Variants in CEP350 observed in about 807,000 individuals in gnomAD.
CEP350 encodes centrosomal protein 350.
A neutral mutation model predicts 331.8 loss-of-function variants in CEP350; 126 were observed. The observed-to-expected ratio is 0.38, with a 90% confidence interval of 0.33 to 0.44. The LOEUF (loss-of-function observed/expected upper bound fraction) is 0.44. Ranked by LOEUF, CEP350 falls within the 20% of genes least tolerant of loss-of-function variation. The pLI is 1.00. For synonymous variants in CEP350, 1,200 were observed against 1,259.5 expected (o/e 0.95, Z 1.00); for missense variants, 3,406 against 3,634.6 (o/e 0.94, Z 1.62).
chr1:180,011,224 A>G (rs1350848017), intron 8 of CEP350, among the ~76,000 whole-genome samples: 2 of 152,186 alleles, frequency 1.3e-5, no homozygotes, highest in African/African-American at 4.8e-5. Context: ...ATATCTGTAA[A>G]ATATTATGTG....
Position 180,015,896 on chromosome 1 carries a change from A to C in CEP350, c.2100A>C (p.Lys700Asn), listed in dbSNP as rs372339291. 9 of 1,613,844 alleles carry C rather than the reference A, an allele frequency of 5.6e-6. No individual in the cohort carries two copies. The highest frequency in any genetic ancestry group is 1.6e-4 in the Middle Eastern group (1 of 6,084). Residue 700 changes from lysine (K) to asparagine (N), a missense_variant, in exon 11 of 38, where the codon AAA (lysine) becomes AAC (asparagine). Coordinates refer to ENST00000367607, the MANE Select transcript of CEP350 (RefSeq NM_014810.5). The part of the protein sequence containing the change: ...QPSGESDKEN[K>N]VQERPPSASS... ...CTGGAGAATCTGACAAAGAAAACAA[A>C]GTACAGGAACGTCCCCCAAGTGCAT...
chr1:180,031,257 C>T, intron 14 of CEP350, 63 bp from the exon 15 acceptor site: 1 of 924,776 alleles, frequency 1.1e-6, no homozygotes, highest in South Asian at 1.6e-5. Context: ...ATCTATATAT[C>T]AATTATCTCT....
chr1:180,099,746 T>C (rs540146220), intron 37 of CEP350, among the ~76,000 whole-genome samples: 29 of 151,818 alleles, frequency 1.9e-4, no homozygotes, highest in Non-Finnish European at 3.2e-4. Flanking sequence ...ATTTGCTTAG[T>C]ATTTTATAGT....
chr1:179,993,307 A>G (rs1037417778), intron 5 of CEP350, among the ~76,000 whole-genome samples: 2 of 152,342 alleles, frequency 1.3e-5, no homozygotes, highest in South Asian at 4.1e-4. Context: ...ACAGATATTA[A>G]GCAGCTTGCC....
In CEP350 at chr1:180,092,961, A is replaced by G; in HGVS notation, c.6856A>G (p.Lys2286Glu). 6.3e-7 allele frequency: 1 copy of G among 1,598,126 alleles called. No individual in the cohort carries two copies. The highest frequency in any genetic ancestry group is 8.5e-7 in the Non-Finnish European group (1 of 1,170,910). The change falls in exon 34 of 38, where the codon AAA becomes GAA. Residue 2286 changes from lysine to glutamate, a missense_variant. Around this residue, in one of 5 missense-constraint regions of CEP350, gnomAD observed 1,415 missense variants for 1,512.3 expected, o/e 0.94. Transcript: ENST00000367607. ...AGAAGGTAAATCTGATGTCTTACTG[A>G]AATTAGTCCTAGAACAGGGAGATTC... is the stretch of plus-strand genomic sequence containing the variant. ...SKEGKSDVLL[K>E]LVLEQGDSSE...
At chr1:179,962,943 A>G (rs1270564949) in intron 1 of CEP350, among the ~76,000 whole-genome samples, 1 of 152,130 alleles carries the variant, frequency 6.6e-6, no homozygotes, top group Non-Finnish European at 1.5e-5. Context: ...GCAGTGTATG[A>G]TACTCCCTTT....
rs566816388 is a variant in CEP350, at chr1:180,092,999, T to G, written c.6894T>G (p.Leu2298=). The G allele has an allele frequency of 6.2e-7, 1 of 1,603,806 alleles. No homozygotes were observed. Among genetic ancestry groups the G allele is most frequent in the Non-Finnish European group, 8.5e-7 (1 of 1,174,214 alleles). Residue 2298 remains leucine, a synonymous_variant, in exon 34 of 38, where the codon CTT becomes CTG. Transcript: ENST00000367607. ...VLEQGDSSEI[L]SKKDLPLDSE... ...AACAGGGAGATTCATCTGAAATTCT[T>G]TCAAAGAAAGATCTTCCTTTAGATT...
At position 180,078,665 on chromosome 1, in the gene CEP350, T is replaced by G. The variant is rs779140046; in HGVS notation, c.5970T>G (p.Pro1990=). ...CSQELESSTS[P]SKHSLPKSCT... The stretch of plus-strand genomic sequence containing the variant: ...AGGAACTAGAATCTTCTACCTCTCC[T>G]AGTAAACATGTAAGTTAATGTATAT... The change falls in exon 29 of 38, where the codon CCT becomes CCG. Residue 1990 remains proline, a synonymous_variant. Coordinates refer to ENST00000367607, the MANE Select transcript of CEP350 (RefSeq NM_014810.5). 6.2e-7 allele frequency: 1 copy of G among 1,603,116 alleles called. No individual in the cohort carries two copies. The highest frequency in any genetic ancestry group is 2.2e-5 in the East Asian group (1 of 44,610).
chr1:180,012,604 A>G (rs2148801966), intron 9 of CEP350, among the ~76,000 whole-genome samples: 1 of 152,344 alleles, frequency 6.6e-6, no homozygotes, highest in African/African-American at 2.4e-5. Flanking sequence ...GCTATTTCAA[A>G]TAACTACTTT....
At chr1:180,004,966 CT>C (rs1311253624) in intron 7 of CEP350, among the ~76,000 whole-genome samples, 1 of 125,286 alleles carries the variant, frequency 8.0e-6, no homozygotes, top group African/African-American at 3.0e-5. Context: ...CCCTCTCTCT[CT>C]TTTTTTAAAT....
chr1:180,054,508 T>C lies in CEP350; in HGVS notation c.5262+6T>C, dbSNP rs765270743. 8 of 1,589,624 alleles carry C rather than the reference T, an allele frequency of 5.0e-6. No individual in the cohort carries two copies. On this transcript the variant is annotated splice_donor_region_variant and intron_variant, in intron 25 of 37. Transcript: ENST00000367607. The stretch of plus-strand genomic sequence containing the variant: ...TAAGGTTGCAGCAAGAAAAGGTATG[T>C]TAGGGAAGGCACCCCTTTAGGACAG...
intron 11 of CEP350, among the ~76,000 whole-genome samples, chr1:180,018,304 C>T (rs1465245092): frequency 1.3e-5 from 2 of 152,166 alleles, no homozygotes; most frequent in Non-Finnish European, 2.9e-5. Flanking sequence ...CAGGTGTGAG[C>T]TACCATGCCC....
At chr1:180,038,942 G>A (rs1357778577) in intron 17 of CEP350, among the ~76,000 whole-genome samples, 1 of 152,122 alleles carries the variant, frequency 6.6e-6, no homozygotes, top group Admixed American at 6.5e-5. Context: ...GGCCGACTGT[G>A]GTGGCTCACA....
At chr1:180,004,230 G>A (rs1451032095) in intron 7 of CEP350, among the ~76,000 whole-genome samples, 1 of 152,136 alleles carries the variant, frequency 6.6e-6, no homozygotes, top group African/African-American at 2.4e-5. Context: ...TCATAGGATA[G>A]TATCATTATA....
At chr1:180,035,266 T>G (rs979439700) in intron 16 of CEP350, among the ~76,000 whole-genome samples, 18 of 152,184 alleles carry the variant, frequency 1.2e-4, no homozygotes, top group Non-Finnish European at 2.2e-4. Context: ...AAAATAAAAG[T>G]GCAAGGTGAA....
intron 14 of CEP350, among the ~76,000 whole-genome samples, chr1:180,030,343 A>G (rs12120001): frequency 7.0e-6 from 1 of 142,758 alleles, no homozygotes; most frequent in Non-Finnish European, 1.5e-5. Flanking sequence ...GTGTATATAT[A>G]AACATAATAT....
At chr1:179,982,482 A>T (rs996631799) in intron 1 of CEP350, among the ~76,000 whole-genome samples, 1 of 152,172 alleles carries the variant, frequency 6.6e-6, no homozygotes, top group Non-Finnish European at 1.5e-5. Context: ...TTGCCCATTA[A>T]TAGGGTATTT....
intron 33 of CEP350, among the ~76,000 whole-genome samples, chr1:180,091,512 T>C (rs563876374): frequency 1.3e-5 from 2 of 152,270 alleles, no homozygotes; most frequent in South Asian, 4.1e-4. Flanking sequence ...TTTTTCAGTT[T>C]AACCAAAAGA....
At chr1:180,019,737 A>G (rs1443618712) in intron 11 of CEP350, among the ~76,000 whole-genome samples, 4 of 152,242 alleles carry the variant, frequency 2.6e-5, no homozygotes, top group Non-Finnish European at 5.9e-5. Context: ...TAATGTACAA[A>G]TAGAAAAATG....
Sources: gnomAD v4.1 joint callset for allele counts (sites outside exome capture counted in the v4.1 genomes callset) on GRCh38, gnomAD v4.1.1 for gene constraint, gnomAD v4.1.1 regional missense constraint, MANE v1.5 for transcripts, NCBI Gene and HGNC (gene_info 2026-07-23, HGNC 2026-07-21) for gene names.